KDM4C: variants seen among roughly 807,000 people sequenced by gnomAD.
KDM4C encodes lysine-specific demethylase 4C.
Under a neutral mutation model 129.3 loss-of-function variants are expected in KDM4C, and 81 were observed. The observed-to-expected ratio is 0.63, with a 90% confidence interval of 0.52 to 0.75. The LOEUF (loss-of-function observed/expected upper bound fraction) is 0.75. KDM4C is among the 30% of genes least tolerant of loss of function. The pLI is 0.00. For synonymous variants in KDM4C, 573 were observed against 456.1 expected (o/e 1.26, Z -3.26); for missense variants, 1,457 against 1,304.0 (o/e 1.12, Z -1.81).
At chr9:7,073,472 C>G (rs1284346379) in intron 17 of KDM4C, among the ~76,000 whole-genome samples, 1 of 152,248 alleles carries the variant, frequency 6.6e-6, no homozygotes, top group Non-Finnish European at 1.5e-5. Context: ...TTCTCTCCCA[C>G]TAAGCTATAC....
intron 17 of KDM4C, among the ~76,000 whole-genome samples, chr9:7,050,018 A>G (rs1319846259): frequency 1.3e-5 from 2 of 152,004 alleles, no homozygotes; most frequent in Non-Finnish European, 2.9e-5. Context: ...AGGCATCATC[A>G]CTATGACTCT....
chr9:6,816,836 A>G (rs958704544), intron 4 of KDM4C, among the ~76,000 whole-genome samples: 34 of 137,954 alleles, frequency 2.5e-4, no homozygotes, highest in African/African-American at 9.1e-4. Context: ...CTTTTTTGTC[A>G]TGCTTTTCTT....
upstream of KDM4C, among the ~76,000 whole-genome samples, chr9:6,756,367 G>A (rs1321154526): frequency 6.6e-6 from 1 of 152,232 alleles, no homozygotes; most frequent in Non-Finnish European, 1.5e-5. Flanking sequence ...TTGGGATCCT[G>A]ACGTTACATG....
Position 6,763,915 on chromosome 9 carries a change from G to A in KDM4C, c.-18+5712G>A, listed in dbSNP as rs532700505. 2.9e-4 allele frequency among the ~76,000 whole-genome samples: 44 copies of A among 152,170 alleles called. No individual in the cohort carries two copies. In the South Asian group the frequency reaches 8.9e-3, roughly 31 times the overall value. On this transcript the variant is annotated intron_variant, in intron 1 of 21. Transcript: ENST00000381309. ...TGGGCTTACAGGCCTGCGCTACCAC[G>A]CCCAGCTAATTTTGTGTTTTTAGTA...
chr9:6,993,721 C>A (rs183321437), intron 12 of KDM4C, among the ~76,000 whole-genome samples: 1 of 152,258 alleles, frequency 6.6e-6, no homozygotes, highest in East Asian at 1.9e-4. Context: ...GTGATGAACC[C>A]ACTGAAGGGC....
intron 12 of KDM4C, among the ~76,000 whole-genome samples, chr9:7,003,709 C>G (rs373762942): frequency 3.0e-4 from 46 of 152,238 alleles, no homozygotes; most frequent in African/African-American, 9.6e-4. Context: ...GTCATCACTT[C>G]TTAGTAAAAT....
intron 15 of KDM4C, among the ~76,000 whole-genome samples, chr9:7,038,270 G>T (rs1034421438): frequency 1.3e-4 from 19 of 151,990 alleles, no homozygotes; most frequent in Admixed American, 1.2e-3. Flanking sequence ...TATCAAGAAA[G>T]TCTCCCATTT....
At chr9:7,164,979 T>C (rs1243397980) in intron 19 of KDM4C, among the ~76,000 whole-genome samples, 2 of 152,222 alleles carry the variant, frequency 1.3e-5, no homozygotes, top group African/African-American at 4.8e-5. Context: ...AACAATTCTT[T>C]TTCAAATAGC....
chr9:6,814,324 GATTA>G lies in KDM4C; in HGVS notation c.321-305_321-302del, dbSNP rs200050292. On this transcript the variant is annotated intron_variant, in intron 3 of 21. Coordinates refer to ENST00000381309, the MANE Select transcript of KDM4C (RefSeq NM_015061.6). ...TAAAATTTCTTAGCATAGTATAGTT[GATTA>G]AAGATTTTAAAAATACTTTAAAGCT... 7.0e-3 allele frequency among the ~76,000 whole-genome samples: 1,071 copies of G among 152,148 alleles called. 15 individuals carry two copies. Among genetic ancestry groups the G allele is most frequent in the African/African-American group, 0.025 (1,024 of 41,516 alleles).
intron 8 of KDM4C, among the ~76,000 whole-genome samples, chr9:6,895,805 A>G (rs886469101): frequency 3.3e-5 from 5 of 152,244 alleles, no homozygotes; most frequent in African/African-American, 7.2e-5. Context: ...GTTATTTTGC[A>G]TAAAAACAGG....
intron 8 of KDM4C, among the ~76,000 whole-genome samples, chr9:6,919,580 T>C (rs1821089894): frequency 6.7e-6 from 1 of 148,898 alleles, no homozygotes; most frequent in South Asian, 2.2e-4. Context: ...TCTATCTATC[T>C]ATCTATCTAT....
chr9:6,768,154 A>C (rs963912007), intron 1 of KDM4C, among the ~76,000 whole-genome samples: 7 of 152,002 alleles, frequency 4.6e-5, no homozygotes, highest in Non-Finnish European at 1.0e-4. Flanking sequence ...TGGAAGACTA[A>C]TGTCTTCAGT....
intron 8 of KDM4C, among the ~76,000 whole-genome samples, chr9:6,896,215 A>C (rs1383075020): frequency 6.6e-6 from 1 of 152,170 alleles, no homozygotes; most frequent in Non-Finnish European, 1.5e-5. Flanking sequence ...AGTTTGTTCT[A>C]AATGGTAACT....
upstream of KDM4C, among the ~76,000 whole-genome samples, chr9:6,756,078 T>C (rs1246180146): frequency 6.6e-6 from 1 of 152,214 alleles, no homozygotes. Context: ...GATTTCAGGT[T>C]TCCAGATTTT....
chr9:6,869,927 C>G (rs922020350), intron 5 of KDM4C, among the ~76,000 whole-genome samples: 4 of 152,204 alleles, frequency 2.6e-5, no homozygotes, highest in Non-Finnish European at 5.9e-5. Flanking sequence ...AAACTTAATG[C>G]TTAATCTTTA....
rs534339387 is a variant in KDM4C at position 6,769,446 on chromosome 9, T to G, written c.-18+11243T>G. ...GATACAAAACTTGGAGTCAGTTCAT[T>G]GCACCTATTTGCTGTTTGACCTTAG... On this transcript the variant is annotated intron_variant, in intron 1 of 21. Coordinates refer to ENST00000381309, the MANE Select transcript of KDM4C (RefSeq NM_015061.6). Among the ~76,000 whole-genome samples, 9 of 152,294 alleles carry G rather than the reference T, an allele frequency of 5.9e-5. No individual in the cohort carries two copies. In the South Asian group the frequency reaches 1.5e-3, roughly 25 times the overall value.
chr9:7,132,767 G>A (rs1013783702), intron 19 of KDM4C, among the ~76,000 whole-genome samples: 1 of 152,218 alleles, frequency 6.6e-6, no homozygotes, highest in African/African-American at 2.4e-5. Flanking sequence ...TTACAGTAGA[G>A]TGATGACTGC....
At chr9:7,007,830 A>G (rs1821957846) in intron 12 of KDM4C, among the ~76,000 whole-genome samples, 1 of 152,210 alleles carries the variant, frequency 6.6e-6, no homozygotes, top group East Asian at 1.9e-4. Context: ...TAGCAATAAA[A>G]ACAACATTTA....
chr9:6,969,494 T>A (rs1831570426), intron 8 of KDM4C, among the ~76,000 whole-genome samples: 1 of 152,220 alleles, frequency 6.6e-6, no homozygotes, highest in African/African-American at 2.4e-5. Context: ...AAAATGGAAA[T>A]GTAAACAGTC....
Sources: allele counts gnomAD v4.1 joint callset (sites outside exome capture counted in the v4.1 genomes callset), GRCh38; gene constraint gnomAD v4.1.1; transcripts MANE v1.5; gene names NCBI Gene and HGNC (gene_info 2026-07-23, HGNC 2026-07-21).